The following CLEC16A variants were observed in gnomAD, a reference collection of about 807,000 sequenced individuals.
CLEC16A encodes C-type lectin domain containing 16A, also known as protein CLEC16A.
A neutral mutation model predicts 109.5 loss-of-function variants in CLEC16A; 51 were observed. The ratio of observed to expected loss-of-function variants is 0.47; its 90% CI spans 0.37 to 0.59. The LOEUF (loss-of-function observed/expected upper bound fraction) is 0.59, where lower values mean the gene tolerates loss of function less well. CLEC16A is among the 20% of genes least tolerant of loss of function. The pLI is 0.00. For synonymous variants in CLEC16A, 673 were observed against 564.2 expected (o/e 1.19, Z -2.73); for missense variants, 1,339 against 1,394.0 (o/e 0.96, Z 0.63).
At chr16:11,034,263 A>G (rs550990755) in intron 13 of CLEC16A, among the ~76,000 whole-genome samples, 3 of 152,230 alleles carry the variant, frequency 2.0e-5, no homozygotes, top group African/African-American at 7.2e-5. Flanking sequence ...TCTTTGGTCT[A>G]TAGTCTTCCA....
At chr16:10,962,358 G>A in intron 2 of CLEC16A, 97 bp from the exon 3 acceptor site, 1 of 1,460,596 alleles carries the variant, frequency 6.8e-7, no homozygotes, top group South Asian at 1.1e-5. Context: ...GGGGGAGAGG[G>A]GTGAATCTAA....
Position 10,945,192 on chromosome 16 carries a change from A to G in CLEC16A, c.80+395A>G, listed in dbSNP as rs919752445. Reference sequence around the variant, plus strand: ...GTCGGGCAGATCTGGGTCCGAATCTATCTGTGTGAATGTAGGCCTCAGGTT... The same window carrying G: ...GTCGGGCAGATCTGGGTCCGAATCTGTCTGTGTGAATGTAGGCCTCAGGTT... On this transcript the variant is annotated intron_variant, in intron 1 of 23. Transcript: ENST00000409790. Among the ~76,000 whole-genome samples the G allele has an allele frequency of 3.9e-5, 6 of 152,286 alleles. No homozygotes were observed. The Middle Eastern group carries it at 0.01, about 259-fold the overall frequency.
chr16:11,062,428 C>T (rs1440604369), intron 19 of CLEC16A, among the ~76,000 whole-genome samples: 2 of 152,164 alleles, frequency 1.3e-5, no homozygotes, highest in African/African-American at 2.4e-5. Flanking sequence ...TGACAGGACC[C>T]CCACAGCCTC....
At chr16:11,049,477 T>TG (rs1456666971) in intron 17 of CLEC16A, among the ~76,000 whole-genome samples, 45 of 128,354 alleles carry the variant, frequency 3.5e-4, no homozygotes, top group African/African-American at 1.4e-3. Flanking sequence ...TTCCCAGGTT[T>TG]TTTTGTTTGT....
At chr16:11,057,721 G>A (rs976785650) in intron 18 of CLEC16A, among the ~76,000 whole-genome samples, 13 of 152,006 alleles carry the variant, frequency 8.6e-5, no homozygotes, top group African/African-American at 2.7e-4. Flanking sequence ...TTAAATTTGC[G>A]TCTTTATTTA....
At chr16:11,173,251 G>C (rs1374363517) in intron 23 of CLEC16A, among the ~76,000 whole-genome samples, 1 of 152,058 alleles carries the variant, frequency 6.6e-6, no homozygotes, top group African/African-American at 2.4e-5. Flanking sequence ...GGTAACATAC[G>C]GGTAACATAA....
chr16:11,141,961 G>A (rs1281668610), intron 22 of CLEC16A, among the ~76,000 whole-genome samples: 2 of 152,170 alleles, frequency 1.3e-5, no homozygotes, highest in African/African-American at 2.4e-5. Flanking sequence ...CTTTGCACTT[G>A]GCCCCCACAC....
rs199823991 is a variant in CLEC16A, at chr16:11,123,704, C to G, written c.2269-38C>G. The stretch of plus-strand genomic sequence containing the variant: ...AGCTCCTAGCCACCCTCCTCCCAAA[C>G]CCAACGAATGCCTTTTCCTTTGCTT... On this transcript the variant is annotated intron_variant, in intron 20 of 23. Coordinates refer to ENST00000409790, the MANE Select transcript of CLEC16A (RefSeq NM_015226.3). 2.7e-5 allele frequency: 44 copies of G among 1,606,774 alleles called. 1 individual carries two copies. The East Asian group carries it at 2.9e-4, about 11-fold the overall frequency.
At chr16:11,066,217 A>G (rs56177808) in intron 19 of CLEC16A, among the ~76,000 whole-genome samples, 14,440 of 152,152 alleles carry the variant, frequency 0.095, 762 homozygotes, top group African/African-American at 0.14. Flanking sequence ...TGCCTAGAAC[A>G]GTGCCTGACA....
chr16:11,026,923 G>A (rs548141822), intron 13 of CLEC16A: 94 of 987,792 alleles, frequency 9.5e-5, no homozygotes, highest in African/African-American at 8.5e-4. Flanking sequence ...GTCCTCCAGC[G>A]TGAGCTAGAA....
intron 1 of CLEC16A, among the ~76,000 whole-genome samples, chr16:10,955,984 C>G (rs1254976884): frequency 6.6e-6 from 1 of 152,176 alleles, no homozygotes; most frequent in Non-Finnish European, 1.5e-5. Flanking sequence ...AAAACTCTGC[C>G]GTTTGAAACT....
At chr16:11,069,763 A>G (rs1013217691) in intron 19 of CLEC16A, among the ~76,000 whole-genome samples, 3 of 152,210 alleles carry the variant, frequency 2.0e-5, no homozygotes, top group South Asian at 2.1e-4. Context: ...TTAAAAAACA[A>G]CAACAAAAAA....
chr16:11,003,972 A>C (rs975469860), intron 11 of CLEC16A, among the ~76,000 whole-genome samples: 3 of 147,146 alleles, frequency 2.0e-5, no homozygotes, highest in Non-Finnish European at 3.0e-5. Flanking sequence ...TGTCTCTACA[A>C]AAAAAAAAAA....
chr16:10,967,544 G>C (rs2146261158), intron 3 of CLEC16A, among the ~76,000 whole-genome samples: 1 of 152,266 alleles, frequency 6.6e-6, no homozygotes, highest in Non-Finnish European at 1.5e-5. Flanking sequence ...CTAAAGCTGA[G>C]ATTTTGAATC....
At chr16:10,983,950 G>A (rs1352096394) in intron 10 of CLEC16A, among the ~76,000 whole-genome samples, 3 of 147,698 alleles carry the variant, frequency 2.0e-5, no homozygotes, top group South Asian at 2.2e-4. Context: ...CTTATGCGGA[G>A]CCCAGGCTGC....
intron 11 of CLEC16A, among the ~76,000 whole-genome samples, chr16:11,013,471 A>G (rs558032360): frequency 6.6e-6 from 1 of 152,298 alleles, no homozygotes; most frequent in Non-Finnish European, 1.5e-5. Flanking sequence ...TCTGCTAAAA[A>G]TACAAAAATG....
chr16:11,032,024 T>C (rs2046769866), intron 13 of CLEC16A, among the ~76,000 whole-genome samples: 1 of 152,176 alleles, frequency 6.6e-6, no homozygotes, highest in African/African-American at 2.4e-5. Context: ...GCATCAGTCA[T>C]TCTTGGACAG....
At chr16:11,067,811 T>C (rs1182236521) in intron 19 of CLEC16A, among the ~76,000 whole-genome samples, 1 of 152,198 alleles carries the variant, frequency 6.6e-6, no homozygotes, top group East Asian at 1.9e-4. Context: ...ACAGTCTGGT[T>C]TGCCCCAGAG....
chr16:11,013,393 C>T (rs1456828391), intron 11 of CLEC16A, among the ~76,000 whole-genome samples: 1 of 152,124 alleles, frequency 6.6e-6, no homozygotes, highest in African/African-American at 2.4e-5. Context: ...CTTTGGGAGG[C>T]TGAGATGGGC....
Sources: gnomAD v4.1 joint callset for allele counts (sites outside exome capture counted in the v4.1 genomes callset) on GRCh38, gnomAD v4.1.1 for gene constraint, MANE v1.5 for transcripts, NCBI Gene and HGNC (gene_info 2026-07-23, HGNC 2026-07-21) for gene names.